Variants in KCNH1 observed in about 807,000 individuals in gnomAD.
KCNH1 encodes voltage-gated delayed rectifier potassium channel KCNH1.
Under a neutral mutation model 69.2 loss-of-function variants are expected in KCNH1, and 27 were observed. That is an observed-to-expected ratio of 0.39 (90% CI 0.29 to 0.54). KCNH1 has a LOEUF of 0.54. Among genes scored for constraint, KCNH1 ranks in the 20% least tolerant of loss-of-function variants. The pLI, the probability that KCNH1 is intolerant of heterozygous loss-of-function variation, is 0.68. For missense variants in KCNH1, 798 were observed against 1,261.6 expected, an observed-to-expected ratio of 0.63 and a Z score of 5.57; for synonymous variants, 456 against 487.7, an observed-to-expected ratio of 0.93 and a Z score of 0.86.
intron 10 of KCNH1, among the ~76,000 whole-genome samples, chr1:210,728,123 T>C (rs1682651603): frequency 6.6e-6 from 1 of 152,186 alleles, no homozygotes. Context: ...CATTCTAAAA[T>C]AGGCTCTTCC....
intron 7 of KCNH1, among the ~76,000 whole-genome samples, chr1:210,906,303 C>T (rs999070876): frequency 6.6e-6 from 1 of 152,122 alleles, no homozygotes; most frequent in African/African-American, 2.4e-5. Context: ...CCATGTCTGG[C>T]TGCCAGGGAA....
chr1:210,953,815 C>T (rs1688108930), intron 6 of KCNH1, among the ~76,000 whole-genome samples: 1 of 152,180 alleles, frequency 6.6e-6, no homozygotes, highest in African/African-American at 2.4e-5. Flanking sequence ...CCCTACTGAC[C>T]TCTTTCACTG....
In KCNH1 at chr1:210,895,318, A is replaced by C. The variant is rs550860027; in HGVS notation, c.1462+24322T>G. On this transcript the variant is annotated intron_variant, in intron 7 of 10. Transcript: ENST00000271751. ...AGGTCTGTGCTTTATTCATTTTCAC[A>C]TCTTCACACATGTATGGCACACAAT... is the stretch of plus-strand genomic sequence containing the variant. 1.8e-4 allele frequency among the ~76,000 whole-genome samples: 28 copies of C among 152,232 alleles called. 1 individual carries two copies. The South Asian group carries it at 5.4e-3, about 29-fold the overall frequency.
intron 7 of KCNH1, among the ~76,000 whole-genome samples, chr1:210,820,612 C>T (rs976354167): frequency 1.3e-4 from 19 of 151,978 alleles, no homozygotes; most frequent in Admixed American, 3.3e-4. Context: ...CCAGCCTGGG[C>T]GACAGAGAGA....
At position 210,820,406 on chromosome 1, in the gene KCNH1, C is replaced by T. The variant is rs191863342; in HGVS notation, c.1463-16240G>A. Among the ~76,000 whole-genome samples the T allele has an allele frequency of 6.4e-3, 975 of 152,020 alleles. 12 individuals carry two copies. Among genetic ancestry groups the T allele is most frequent in the African/African-American group, 0.022 (930 of 41,464 alleles). On this transcript the variant is annotated intron_variant, in intron 7 of 10. Coordinates refer to ENST00000271751, the MANE Select transcript of KCNH1 (RefSeq NM_172362.3). ...ATCCCAGCACTTTGGGAGGCTGAGG[C>T]GGGTGGATCATGAGGTCAGGAGTTC...
At chr1:211,020,582 G>C (rs1689571161) in intron 5 of KCNH1, among the ~76,000 whole-genome samples, 1 of 151,982 alleles carries the variant, frequency 6.6e-6, no homozygotes, top group African/African-American at 2.4e-5. Flanking sequence ...ACTAGTACCA[G>C]TTATTCTCAA....
chr1:210,892,418 C>T (rs778486763), intron 7 of KCNH1, among the ~76,000 whole-genome samples: 6 of 152,064 alleles, frequency 3.9e-5, no homozygotes, highest in Non-Finnish European at 8.8e-5. Context: ...TTCTTTCAGT[C>T]ACTCATTTAT....
chr1:210,983,183 T>A (rs772977336), intron 6 of KCNH1, among the ~76,000 whole-genome samples: 7 of 152,314 alleles, frequency 4.6e-5, no homozygotes, highest in Middle Eastern at 3.4e-3. Flanking sequence ...ATTTGTCAGA[T>A]GAGTAGATTG....
In KCNH1 at chr1:210,942,947, A is replaced by G. The variant is rs554043567; in HGVS notation, c.1033-22878T>C. Among the ~76,000 whole-genome samples, 5 of 152,360 alleles carry G rather than the reference A, an allele frequency of 3.3e-5. No individual in the cohort carries two copies. The South Asian group carries it at 1.0e-3, about 32-fold the overall frequency. Reference sequence around the variant, plus strand: ...GTTTATTTTTGTGGAAAAGTTGTATATAGACTTTGACCTGTCATCCCAATC... The same window carrying G: ...GTTTATTTTTGTGGAAAAGTTGTATGTAGACTTTGACCTGTCATCCCAATC... On this transcript the variant is annotated intron_variant, in intron 6 of 10. Coordinates refer to ENST00000271751, the MANE Select transcript of KCNH1 (RefSeq NM_172362.3).
chr1:210,751,982 A>G (rs1030198542), intron 10 of KCNH1, among the ~76,000 whole-genome samples: 1 of 152,140 alleles, frequency 6.6e-6, no homozygotes, highest in Non-Finnish European at 1.5e-5. Context: ...ACAGAATCTG[A>G]GCTGGATTTT....
intron 10 of KCNH1, among the ~76,000 whole-genome samples, chr1:210,716,604 A>C: frequency 6.6e-6 from 1 of 152,210 alleles, no homozygotes; most frequent in Middle Eastern, 3.2e-3. Context: ...ATGTCCTTTA[A>C]CTTGCATAGA....
At chr1:210,847,144 A>G (rs1227404215) in intron 7 of KCNH1, among the ~76,000 whole-genome samples, 1 of 152,334 alleles carries the variant, frequency 6.6e-6, no homozygotes, top group African/African-American at 2.4e-5. Flanking sequence ...ACTGTAAACT[A>G]GTTCAACCAT....
chr1:210,830,211 C>G (rs911843822), intron 7 of KCNH1, among the ~76,000 whole-genome samples: 2 of 152,156 alleles, frequency 1.3e-5, no homozygotes, highest in African/African-American at 4.8e-5. Context: ...AATGCCTTCC[C>G]CGTCATCTGC....
intron 3 of KCNH1, among the ~76,000 whole-genome samples, chr1:211,094,525 A>G (rs1571642142): frequency 1.3e-5 from 2 of 152,330 alleles, no homozygotes; most frequent in East Asian, 1.9e-4. Context: ...TAAATAGATC[A>G]TAATACACTC....
intron 7 of KCNH1, among the ~76,000 whole-genome samples, chr1:210,838,945 T>G (rs957022052): frequency 2.6e-5 from 4 of 152,218 alleles, no homozygotes; most frequent in African/African-American, 4.8e-5. Context: ...AAAGGAACGC[T>G]TTTACATTGC....
In KCNH1 at chr1:210,960,866, C is replaced by A. The variant is rs150882341; in HGVS notation, c.1033-40797G>T. ...ATGATTATTCTATTTTATGTTCCTA[C>A]CAGAAATGTAGGAGAGTTCTGGTTC... is the stretch of plus-strand genomic sequence containing the variant. On this transcript the variant is annotated intron_variant, in intron 6 of 10. Coordinates refer to ENST00000271751, the MANE Select transcript of KCNH1 (RefSeq NM_172362.3). 2.6e-5 allele frequency among the ~76,000 whole-genome samples: 4 copies of A among 152,260 alleles called. 1 individual carries two copies. The highest frequency in any genetic ancestry group is 9.6e-5 in the African/African-American group (4 of 41,556).
At chr1:210,801,033 G>C (rs1439793755) in intron 8 of KCNH1, among the ~76,000 whole-genome samples, 1 of 152,210 alleles carries the variant, frequency 6.6e-6, no homozygotes, top group Admixed American at 6.5e-5. Context: ...CATAATGCCT[G>C]ACACATACAA....
At chr1:210,920,191 A>AT in intron 6 of KCNH1, 122 bp from the exon 7 acceptor site, 1 of 810,538 alleles carries the variant, frequency 1.2e-6, no homozygotes, top group Admixed American at 2.9e-5. Flanking sequence ...ATTTTATGCA[A>AT]CCCTTAAAAA....
intron 10 of KCNH1, among the ~76,000 whole-genome samples, chr1:210,756,119 C>T (rs9430047): frequency 0.089 from 13,489 of 152,134 alleles, 1,285 homozygotes; most frequent in African/African-American, 0.23. Flanking sequence ...AGGTGCTCTC[C>T]TCTTTTTCAT....
Sources: allele counts gnomAD v4.1 joint callset (sites outside exome capture counted in the v4.1 genomes callset), GRCh38; gene constraint gnomAD v4.1.1; transcripts MANE v1.5; gene names NCBI Gene and HGNC (gene_info 2026-07-23, HGNC 2026-07-21).